SERAC1: variants seen among roughly 807,000 people sequenced by gnomAD.
SERAC1 encodes serine active site containing 1, also known as protein SERAC1.
In SERAC1, 36 loss-of-function variants were observed where a neutral mutation model predicts 85.7. The observed-to-expected ratio is 0.42, with a 90% CI of 0.32 to 0.55. The LOEUF is 0.55. Among genes scored for constraint, SERAC1 ranks in the 20% least tolerant of loss-of-function variants. SERAC1 has a pLI of 0.11. For missense variants in SERAC1, 629 were observed against 796.2 expected, an observed-to-expected ratio of 0.79 and a Z score of 2.53; for synonymous variants, 242 against 265.3, an observed-to-expected ratio of 0.91 and a Z score of 0.85.
chr6:158,114,819 G>C lies in SERAC1; in HGVS notation c.1654C>G (p.Pro552Ala). Residue 552 changes from proline (P) to alanine (A), a missense_variant, in exon 15 of 17, where the codon CCC becomes GCC. Physicochemically the swap from Pro to Ala is conservative, Grantham distance 27. Transcript: ENST00000647468. The part of the protein sequence containing the change: ...YSVNIRYLLF[P>A]SLEVKELSKD... ...CTGAGTTCTTTGACTTCCAACGAGG[G>C]GAAGAGAAGATAGCGAATATTAACA... 1 of 1,603,286 alleles carries C rather than the reference G, an allele frequency of 6.2e-7. No homozygotes were observed. Among genetic ancestry groups the C allele is most frequent in the Non-Finnish European group, 8.5e-7 (1 of 1,175,918 alleles).
chr6:158,121,746 T>G (rs923821255), intron 10 of SERAC1, among the ~76,000 whole-genome samples: 1 of 152,174 alleles, frequency 6.6e-6, no homozygotes, highest in Non-Finnish European at 1.5e-5. Flanking sequence ...AAATTATATC[T>G]ATAGAGATAG....
intron 15 of SERAC1, among the ~76,000 whole-genome samples, chr6:158,114,095 A>C (rs560015799): frequency 6.6e-6 from 1 of 152,348 alleles, no homozygotes; most frequent in South Asian, 2.1e-4. Context: ...GAGGAGTAGA[A>C]GGGAACTCAC....
chr6:158,141,814 GA>G lies in SERAC1; in HGVS notation c.738+1241del, dbSNP rs901197441. Among the ~76,000 whole-genome samples the G allele has an allele frequency of 1.5e-4, 23 of 152,244 alleles. No individual in the cohort carries two copies. In the East Asian group the frequency reaches 4.4e-3, roughly 29 times the overall value. ...ACGACAGAACTCTCAGCATCAAAAA[GA>G]AAAACCATTATAATTCACTGGAGCA... On this transcript the variant is annotated intron_variant, in intron 8 of 16. Transcript: ENST00000647468.
intron 1 of SERAC1, chr6:158,159,241 T>C (rs1785426686): frequency 6.6e-6 from 1 of 152,030 alleles, no homozygotes; most frequent in African/African-American, 2.4e-5. Context: ...ACACTAGAAA[T>C]TATTATAATC....
At chr6:158,116,156 C>CCACTT in intron 14 of SERAC1, 29 bp downstream of exon 14, 1 of 1,564,738 alleles carries the variant, frequency 6.4e-7, no homozygotes, top group Middle Eastern at 1.7e-4. Flanking sequence ...ATCACAATGG[C>CCACTT]CACTTCACAA....
chr6:158,131,644 C>T (rs538840776), intron 8 of SERAC1, among the ~76,000 whole-genome samples: 2 of 152,018 alleles, frequency 1.3e-5, no homozygotes, highest in South Asian at 2.1e-4. Flanking sequence ...CACCCTGCTG[C>T]GAGTGGTATC....
intron 1 of SERAC1, chr6:158,161,690 C>T (rs1048350037): frequency 1.3e-5 from 2 of 151,614 alleles, no homozygotes; most frequent in Non-Finnish European, 2.9e-5. Flanking sequence ...GGAGTGACTG[C>T]CCCTCTCTGG....
chr6:158,131,533 G>C lies in SERAC1; in HGVS notation c.739-1047C>G, dbSNP rs142043556. On this transcript the variant is annotated intron_variant, in intron 8 of 16. Coordinates refer to ENST00000647468, the MANE Select transcript of SERAC1 (RefSeq NM_032861.4). Reference sequence around the variant, plus strand: ...TATAAATATATATAAACAACGCTCAGCACTGTTCATAATGAGAGGCGTGCA... The same window carrying C: ...TATAAATATATATAAACAACGCTCACCACTGTTCATAATGAGAGGCGTGCA... 2.9e-3 allele frequency among the ~76,000 whole-genome samples: 429 copies of C among 150,064 alleles called. 1 individual carries two copies. The highest frequency in any genetic ancestry group is 0.01 in the African/African-American group (409 of 40,884).
rs115112237 is a variant in SERAC1, at chr6:158,113,013, C to T, written c.1828+436G>A. 1,063 of 175,282 alleles carry T rather than the reference C, an allele frequency of 6.1e-3. 16 individuals carry two copies. Among genetic ancestry groups the T allele is most frequent in the African/African-American group, 0.024 (1,007 of 42,612 alleles). The allele number at this position is 175,282 out of a possible 1,614,324, so 10.9% of individuals were successfully genotyped here. A position where few individuals can be genotyped will look rare whatever the true frequency, so the allele number is the denominator to read the frequency against. ...TGTAGTTCAACACTAGTTTTTCCCA[C>T]TGGAATATTTCTGGAGCTTTACTAT... On this transcript the variant is annotated intron_variant, in intron 16 of 16. Coordinates refer to ENST00000647468, the MANE Select transcript of SERAC1 (RefSeq NM_032861.4).
chr6:158,114,968 A>G lies in SERAC1; in HGVS notation c.1505T>C (p.Leu502Pro). 1 of 1,609,906 alleles carries G rather than the reference A, an allele frequency of 6.2e-7. No individual in the cohort carries two copies. The highest frequency in any genetic ancestry group is 8.5e-7 in the Non-Finnish European group (1 of 1,178,288). ...VVWISHSMGG[L>P]LVKKMLLEAS... ...TTCCAACAGCATCTTTTTGACAAGA[A>G]GACCTAGCCACAGACAAGGGAAAAA... The change falls in exon 15 of 17, where the codon CTT (leucine) becomes CCT (proline). Residue 502 changes from leucine to proline, a missense_variant. Transcript: ENST00000647468.
rs1183047638 is a variant in SERAC1, at chr6:158,109,663, G to C, written c.*1703C>G. ...ATTTGACCAGCAATTCCACCCAAGAGAATCAAAAACATCTATCCACACATA... is the reference window on the plus strand; with the variant it reads ...ATTTGACCAGCAATTCCACCCAAGACAATCAAAAACATCTATCCACACATA... On this transcript the variant is annotated 3_prime_UTR_variant, in exon 17 of 17. Transcript: ENST00000647468. 6.6e-6 allele frequency: 1 copy of C among 152,028 alleles called. No homozygotes were observed. Among genetic ancestry groups the C allele is most frequent in the African/African-American group, 2.4e-5 (1 of 41,366 alleles). 9.4% of individuals were successfully genotyped at this position (152,028 alleles called of 1,614,324 possible). A position where few individuals can be genotyped will look rare whatever the true frequency, so the allele number is the denominator to read the frequency against.
At chr6:158,158,427 A>T in intron 1 of SERAC1, 63 bp from the exon 2 acceptor site, 1 of 1,238,860 alleles carries the variant, frequency 8.1e-7, no homozygotes, top group Non-Finnish European at 1.2e-6. Context: ...ACTTGTTTTA[A>T]CTACAAGAAC....
intron 1 of SERAC1, chr6:158,161,824 TCTC>T (rs1785494809): frequency 1.3e-5 from 2 of 151,980 alleles, no homozygotes. Flanking sequence ...TTACTCTAAA[TCTC>T]CTCAGAGCCA....
intron 8 of SERAC1, among the ~76,000 whole-genome samples, chr6:158,137,120 T>G (rs1583582694): frequency 6.7e-6 from 1 of 148,930 alleles, no homozygotes; most frequent in East Asian, 2.0e-4. Context: ...ATCAAGCCAC[T>G]GCACCCCAGC....
chr6:158,117,666 G>T lies in SERAC1; in HGVS notation c.1403+61C>A. On this transcript the variant is annotated intron_variant, in intron 13 of 16. Transcript: ENST00000647468. This position sits in a 1 kb window ranked among gnomAD's most constrained non-coding sequence, Gnocchi z 4.3. ...AATTAAAATCACTTCCCATCCAAGA[G>T]GACCTAAACTTGCGGCCTGAATTCT... 2 of 1,611,446 alleles carry T rather than the reference G, an allele frequency of 1.2e-6. No individual in the cohort carries two copies. Among genetic ancestry groups the T allele is most frequent in the Admixed American group, 3.3e-5 (2 of 59,726 alleles).
At chr6:158,114,490 T>A in intron 15 of SERAC1, 1 of 1,150,322 alleles carries the variant, frequency 8.7e-7, no homozygotes, top group Non-Finnish European at 1.1e-6. Context: ...AAAAAAGCCA[T>A]TTATTGGTAA....
At chr6:158,164,109 C>G (rs150000242) in intron 1 of SERAC1, among the ~76,000 whole-genome samples, 1 of 151,992 alleles carries the variant, frequency 6.6e-6, no homozygotes, top group Admixed American at 6.5e-5. Context: ...CTTTTCAAGA[C>G]GGACTATTCT....
chr6:158,137,524 G>A (rs949394861), intron 8 of SERAC1, among the ~76,000 whole-genome samples: 1 of 152,142 alleles, frequency 6.6e-6, no homozygotes, highest in Non-Finnish European at 1.5e-5. Context: ...ATCATTTCCA[G>A]TGTGATCTAT....
intron 14 of SERAC1, 30 bp downstream of exon 14, chr6:158,116,155 G>T: frequency 6.4e-7 from 1 of 1,558,628 alleles, no homozygotes; most frequent in Non-Finnish European, 8.9e-7. Context: ...CATCACAATG[G>T]CCACTTCACA....
Sources: gnomAD v4.1 joint callset for allele counts (sites outside exome capture counted in the v4.1 genomes callset) on GRCh38, gnomAD v4.1.1 for gene constraint, Gnocchi (gnomAD v3.1) non-coding constraint, MANE v1.5 for transcripts, NCBI Gene and HGNC (gene_info 2026-07-23, HGNC 2026-07-21) for gene names.